The following PCDHA8 variants were observed in gnomAD, a reference collection of about 807,000 sequenced individuals.
The protein encoded by PCDHA8 is protocadherin alpha-8.
In PCDHA8, 53 loss-of-function variants were observed where a neutral mutation model predicts 61.8. The observed-to-expected ratio is 0.86, with a 90% CI of 0.69 to 1.08. The LOEUF (loss-of-function observed/expected upper bound fraction) is 1.08, where lower values mean the gene tolerates loss of function less well. PCDHA8 is among the 50% of genes least tolerant of loss of function. The pLI is 0.00. For synonymous variants in PCDHA8, 618 were observed against 556.6 expected (o/e 1.11, Z -1.55); for missense variants, 1,293 against 1,245.0 (o/e 1.04, Z -0.58).
intron 1 of PCDHA8, chr5:140,967,806 G>A (rs1406839046): frequency 8.1e-6 from 13 of 1,614,180 alleles, no homozygotes; most frequent in Non-Finnish European, 1.1e-5. Flanking sequence ...CCCATGGCAG[G>A]TCACTGCAAG....
At chr5:140,850,761 C>A in intron 1 of PCDHA8, 1 of 1,598,004 alleles carries the variant, frequency 6.3e-7, no homozygotes, top group East Asian at 2.2e-5. Flanking sequence ...GCAGAGGAGG[C>A]AGAGGGTGTG....
rs782301019 is a variant in PCDHA8 at position 140,876,753 on chromosome 5, G to T, written c.2394+33038G>T. On this transcript the variant is annotated intron_variant, in intron 1 of 3. Coordinates refer to ENST00000531613, the MANE Select transcript of PCDHA8 (RefSeq NM_018911.3). ...CGGCCTATGAGCTGGTGGTGACTGC[G>T]CGGGATGGGGGCTCGCCTTCGCTGT... is the stretch of plus-strand genomic sequence containing the variant. 1.1e-5 allele frequency: 17 copies of T among 1,614,128 alleles called. No homozygotes were observed. In the Admixed American group the frequency reaches 2.8e-4, roughly 27 times the overall value.
intron 1 of PCDHA8, among the ~76,000 whole-genome samples, chr5:140,938,727 GA>G (rs2092176789): frequency 6.6e-6 from 1 of 151,904 alleles, no homozygotes; most frequent in Admixed American, 6.6e-5. Flanking sequence ...CGTTTCTACA[GA>G]AAAAAATAAT....
Position 140,841,614 on chromosome 5 carries a change from G to A in PCDHA8, c.293G>A (p.Arg98Gln), listed in dbSNP as rs144868773. The change falls in exon 1 of 4, where the codon CGG (arginine) becomes CAG (glutamine). Residue 98 changes from arginine to glutamine, a missense_variant. Arg to Gln is a conservative substitution (Grantham distance 43). Transcript: ENST00000531613. The stretch of plus-strand genomic sequence containing the variant: ...ATCGACCGCGAGGAGCTGTGCGGGC[G>A]GAGCGCGGAGTGCAGCATCCACCTG... ...SRIDREELCGRSAECSIHLEV... is the reference protein window; with the variant it reads ...SRIDREELCGQSAECSIHLEV... 3,076 of 1,614,122 alleles carry A rather than the reference G, an allele frequency of 1.9e-3. 76 individuals carry two copies. The African/African-American group carries it at 0.036, about 19-fold the overall frequency.
intron 3 of PCDHA8, among the ~76,000 whole-genome samples, chr5:140,999,657 C>A (rs1257419150): frequency 6.6e-6 from 1 of 152,156 alleles, no homozygotes; most frequent in Non-Finnish European, 1.5e-5. Flanking sequence ...CTGAGCCCTG[C>A]TGGGTTGCGG....
rs1580988971 is a variant in PCDHA8, at chr5:140,842,089, C to T, written c.768C>T (p.Asp256=). ...EYEVRIFENA[D]NGTTVIKLNA... is the part of the protein sequence containing the mutation. ...AAGTAAGAATATTCGAAAACGCAGA[C>T]AACGGAACAACAGTTATCAAACTGA... is the stretch of plus-strand genomic sequence containing the variant. Residue 256 remains aspartate (D), a synonymous_variant, in exon 1 of 4, where the codon GAC becomes GAT. Transcript: ENST00000531613. The T allele has an allele frequency of 1.9e-6, 3 of 1,613,894 alleles. No homozygotes were observed. The East Asian group carries it at 6.7e-5, about 36-fold the overall frequency.
chr5:140,918,387 C>A (rs1554198606), intron 1 of PCDHA8, among the ~76,000 whole-genome samples: 1 of 152,142 alleles, frequency 6.6e-6, no homozygotes, highest in Non-Finnish European at 1.5e-5. Context: ...TTATTTCTTT[C>A]TCTTGCCTGA....
At chr5:140,922,577 T>C (rs155818) in intron 1 of PCDHA8, among the ~76,000 whole-genome samples, 48,013 of 152,060 alleles carry the variant, frequency 0.32, 7,938 homozygotes, top group East Asian at 0.53. Flanking sequence ...AGTTGCCCTG[T>C]AGCCGCCAGT....
chr5:140,877,818 T>G (rs1207543793), intron 1 of PCDHA8: 3 of 1,608,774 alleles, frequency 1.9e-6, no homozygotes, highest in African/African-American at 2.7e-5. Context: ...CTCGAGAAGA[T>G]TGTTTAAATC....
At chr5:140,859,044 G>C (rs1228604447) in intron 1 of PCDHA8, 6 of 150,376 alleles carry the variant, frequency 4.0e-5, no homozygotes, top group Non-Finnish European at 7.4e-5. Context: ...CTTTAAAAAC[G>C]TTTTCCATTT....
intron 1 of PCDHA8, chr5:140,926,742 C>A: frequency 8.3e-7 from 1 of 1,199,336 alleles, no homozygotes; most frequent in Non-Finnish European, 1.1e-6. Flanking sequence ...GGAGGCGCAA[C>A]GTCGGCGGTC....
chr5:140,995,286 C>T (rs571122259), intron 3 of PCDHA8, among the ~76,000 whole-genome samples: 18 of 152,182 alleles, frequency 1.2e-4, no homozygotes, highest in African/African-American at 3.4e-4. Context: ...CCAAAACAGC[C>T]AGTCGGATAC....
intron 1 of PCDHA8, among the ~76,000 whole-genome samples, chr5:140,937,823 A>T (rs2091776135): frequency 6.6e-6 from 1 of 151,692 alleles, no homozygotes; most frequent in Admixed American, 6.6e-5. Context: ...GAGGCAGGAG[A>T]ATGGCATGAA....
intron 1 of PCDHA8, chr5:140,869,773 G>A (rs1554163437): frequency 6.2e-7 from 1 of 1,612,948 alleles, no homozygotes; most frequent in Non-Finnish European, 8.5e-7. Context: ...AGAGCTTACT[G>A]GCACCGTTCG....
intron 1 of PCDHA8, among the ~76,000 whole-genome samples, chr5:140,891,916 G>T (rs1336108155): frequency 6.6e-6 from 1 of 152,170 alleles, no homozygotes; most frequent in Non-Finnish European, 1.5e-5. Context: ...ACCAGATGCT[G>T]GTGCCTTGAT....
intron 3 of PCDHA8, among the ~76,000 whole-genome samples, chr5:140,997,376 C>T (rs1554255857): frequency 2.6e-5 from 4 of 152,144 alleles, no homozygotes. Flanking sequence ...GATGATATAG[C>T]ATACTACACA....
Position 140,843,385 on chromosome 5 carries a change from T to A in PCDHA8, c.2064T>A (p.Gly688=). The change falls in exon 1 of 4, where the codon GGT becomes GGA. Residue 688 remains glycine, a synonymous_variant. Coordinates refer to ENST00000531613, the MANE Select transcript of PCDHA8 (RefSeq NM_018911.3). ...CGAGGCAGTCGGCTGGCGTTTTGGG[T>A]CCGGAAGCGGCGCTGGTGGATGTCA... The part of the protein sequence containing the change: ...ASSRQSAGVL[G]PEAALVDVNV... The A allele has an allele frequency of 6.3e-7, 1 of 1,595,902 alleles. No homozygotes were observed. Among genetic ancestry groups the A allele is most frequent in the South Asian group, 1.1e-5 (1 of 90,504 alleles).
intron 1 of PCDHA8, among the ~76,000 whole-genome samples, chr5:140,911,992 A>T (rs904624481): frequency 6.6e-6 from 1 of 152,342 alleles, no homozygotes; most frequent in East Asian, 1.9e-4. Flanking sequence ...ACAAGGTCCC[A>T]CAATAGGCCA....
intron 1 of PCDHA8, chr5:140,877,674 G>A: frequency 1.9e-6 from 3 of 1,613,628 alleles, no homozygotes; most frequent in South Asian, 1.1e-5. Flanking sequence ...GGTGCGCGCC[G>A]GGCAAGCCCA....
Sources: gnomAD v4.1 joint callset for allele counts (sites outside exome capture counted in the v4.1 genomes callset) on GRCh38, gnomAD v4.1.1 for gene constraint, MANE v1.5 for transcripts, NCBI Gene and HGNC (gene_info 2026-07-23, HGNC 2026-07-21) for gene names.